Variants in TMEM117 observed in about 807,000 individuals in gnomAD.
The protein encoded by TMEM117 is transmembrane protein 117.
In TMEM117, 27 loss-of-function variants were observed where a neutral mutation model predicts 52.4. That is an observed-to-expected ratio of 0.51 (90% CI 0.38 to 0.71). The LOEUF (loss-of-function observed/expected upper bound fraction) is 0.71, where lower values mean the gene tolerates loss of function less well. Among genes scored for constraint, TMEM117 ranks in the 30% least tolerant of loss-of-function variants. The probability of loss-of-function intolerance (pLI) is 0.00; values close to 1 mark genes in which losing one functional copy is unlikely to be tolerated. For missense variants in TMEM117, 556 were observed against 630.5 expected (o/e 0.88, Z 1.26); for synonymous variants, 215 against 206.3 (o/e 1.04, Z -0.36).
intron 5 of TMEM117, among the ~76,000 whole-genome samples, chr12:44,243,121 A>G (rs1202814655): frequency 2.0e-5 from 3 of 151,838 alleles, no homozygotes; most frequent in African/African-American, 4.8e-5. Context: ...TCTCTTGTAA[A>G]TTTGTTTAAG....
At chr12:43,946,047 T>C (rs1353208059) in intron 3 of TMEM117, among the ~76,000 whole-genome samples, 1 of 152,232 alleles carries the variant, frequency 6.6e-6, no homozygotes, top group East Asian at 1.9e-4. Flanking sequence ...TGTTCAGGCT[T>C]TAGAAAGTTA....
At chr12:44,191,328 G>T (rs1949350110) in intron 4 of TMEM117, among the ~76,000 whole-genome samples, 1 of 151,932 alleles carries the variant, frequency 6.6e-6, no homozygotes, top group African/African-American at 2.4e-5. Context: ...ATTTGGGTAG[G>T]GTCACAGCCA....
intron 6 of TMEM117, among the ~76,000 whole-genome samples, chr12:44,331,359 A>G (rs1031106196): frequency 6.6e-6 from 1 of 151,914 alleles, no homozygotes; most frequent in Non-Finnish European, 1.5e-5. Flanking sequence ...GAGAGGTAAG[A>G]TCCTCTGAGA....
chr12:44,311,870 T>C (rs1408916957), intron 6 of TMEM117, among the ~76,000 whole-genome samples: 10 of 115,520 alleles, frequency 8.7e-5, no homozygotes, highest in Non-Finnish European at 1.6e-4. Context: ...TATATATGTA[T>C]ATATATGTAT....
intron 6 of TMEM117, among the ~76,000 whole-genome samples, chr12:44,369,256 C>T (rs763630298): frequency 3.9e-5 from 6 of 152,108 alleles, no homozygotes; most frequent in Admixed American, 6.6e-5. Context: ...AGGCCCAGTG[C>T]GTTTCATCAG....
At chr12:44,278,112 A>G (rs1342864869) in intron 5 of TMEM117, among the ~76,000 whole-genome samples, 1 of 152,128 alleles carries the variant, frequency 6.6e-6, no homozygotes, top group Non-Finnish European at 1.5e-5. Flanking sequence ...GCCCCTACAG[A>G]TAATCTCCCT....
At chr12:44,084,317 G>A (rs898560649) in intron 3 of TMEM117, among the ~76,000 whole-genome samples, 1 of 151,930 alleles carries the variant, frequency 6.6e-6, no homozygotes, top group Non-Finnish European at 1.5e-5. Context: ...GAACAAAAAA[G>A]TTCAGAATGA....
At chr12:43,814,671 C>A in the TMEM117 span, among the ~76,000 whole-genome samples, 1 of 150,860 alleles carries the variant, frequency 6.6e-6, no homozygotes, top group East Asian at 1.9e-4. Context: ...CAAGGCTGTT[C>A]TGCTGCATTA....
intron 3 of TMEM117, among the ~76,000 whole-genome samples, chr12:43,972,343 C>T (rs1168511597): frequency 1.3e-5 from 2 of 152,216 alleles, no homozygotes; most frequent in African/African-American, 4.8e-5. Context: ...GGTTCTTCAT[C>T]TCACTGACTT....
intron 3 of TMEM117, among the ~76,000 whole-genome samples, chr12:44,142,478 G>T (rs1948584450): frequency 6.6e-6 from 1 of 151,978 alleles, no homozygotes. Context: ...GAAAAGAAAA[G>T]ACTGAATTGG....
At chr12:43,985,386 T>TA (rs138116669) in intron 3 of TMEM117, among the ~76,000 whole-genome samples, 5,060 of 152,172 alleles carry the variant, frequency 0.033, 176 homozygotes, top group African/African-American at 0.087. Context: ...GATATACTTT[T>TA]AAAAAAATTT....
chr12:44,377,003 C>T (rs953741985), intron 7 of TMEM117, among the ~76,000 whole-genome samples: 12 of 152,086 alleles, frequency 7.9e-5, no homozygotes, highest in South Asian at 6.2e-4. Context: ...TTGTCTGTTC[C>T]GTAATCTCTT....
intron 2 of TMEM117, among the ~76,000 whole-genome samples, chr12:43,920,301 G>A (rs995346675): frequency 6.6e-6 from 1 of 152,088 alleles, no homozygotes; most frequent in Non-Finnish European, 1.5e-5. Context: ...CGAGGCGGGC[G>A]GATCACGAGG....
chr12:44,047,169 G>T (rs1337406009), intron 3 of TMEM117, among the ~76,000 whole-genome samples: 1 of 152,030 alleles, frequency 6.6e-6, no homozygotes. Flanking sequence ...TGTCCTTCTA[G>T]ATTGCCCCGA....
chr12:44,108,633 C>T (rs1199723140), intron 3 of TMEM117, among the ~76,000 whole-genome samples: 1 of 74,880 alleles, frequency 1.3e-5, no homozygotes, highest in East Asian at 4.1e-4. Flanking sequence ...GGTTCCAAGT[C>T]TTTGCTATTG....
intron 6 of TMEM117, among the ~76,000 whole-genome samples, chr12:44,344,452 CT>C (rs1951457874): frequency 6.6e-6 from 1 of 152,046 alleles, no homozygotes; most frequent in African/African-American, 2.4e-5. Context: ...GTTTTCATTT[CT>C]GCTAGGCCTC....
rs761176838 is a variant in TMEM117 at position 44,388,575 on chromosome 12, T to C, written c.1448T>C (p.Leu483Pro). ...GAGATCGTCTACAAGTCTTCCCACC[T>C]AACCTCGGAAAACTTGAGCTCACAG... ...FNEIVYKSSH[L>P]TSENLSSQLN... Residue 483 changes from leucine to proline, a missense_variant, in exon 8 of 8, where the codon CTA becomes CCA. Transcript: ENST00000266534. The C allele has an allele frequency of 5.0e-6, 8 of 1,613,522 alleles. No homozygotes were observed. In the Admixed American group the frequency reaches 8.3e-5, roughly 17 times the overall value.
intron 2 of TMEM117, among the ~76,000 whole-genome samples, chr12:43,940,744 A>G (rs1945031684): frequency 6.6e-6 from 1 of 152,104 alleles, no homozygotes; most frequent in Non-Finnish European, 1.5e-5. Flanking sequence ...GGGTTTCACC[A>G]TGTTAGCCAG....
At chr12:44,101,630 G>C (rs1225217584) in intron 3 of TMEM117, among the ~76,000 whole-genome samples, 1 of 151,924 alleles carries the variant, frequency 6.6e-6, no homozygotes, top group Non-Finnish European at 1.5e-5. Flanking sequence ...TCTTTCACTA[G>C]ATTACTTAAA....
Sources: allele counts gnomAD v4.1 joint callset (sites outside exome capture counted in the v4.1 genomes callset), GRCh38; gene constraint gnomAD v4.1.1; transcripts MANE v1.5; gene names NCBI Gene and HGNC (gene_info 2026-07-23, HGNC 2026-07-21).